TTLL7: variants seen among roughly 807,000 people sequenced by gnomAD.
The protein encoded by TTLL7 is tubulin tyrosine ligase like 7, also known as tubulin polyglutamylase TTLL7.
In TTLL7, 53 loss-of-function variants were observed where a neutral mutation model predicts 120.2. The observed-to-expected ratio is 0.44, with a 90% confidence interval of 0.35 to 0.55. TTLL7 has a LOEUF of 0.55. Ranked by LOEUF, TTLL7 falls within the 20% of genes least tolerant of loss-of-function variation. The probability of loss-of-function intolerance (pLI) is 0.00; values close to 1 mark genes in which losing one functional copy is unlikely to be tolerated. For synonymous variants in TTLL7, 353 were observed against 351.7 expected, an observed-to-expected ratio of 1.00 and a Z score of -0.04; for missense variants, 803 against 1,054.7, an observed-to-expected ratio of 0.76 and a Z score of 3.31.
chr1:83,896,038 A>C lies in TTLL7; in HGVS notation c.2209-5557T>G, dbSNP rs532131634. On this transcript the variant is annotated intron_variant, in intron 18 of 20. Transcript: ENST00000260505. The stretch of plus-strand genomic sequence containing the variant: ...GAAAGCACAGACCAGGCAGGCAAGA[A>C]ATCAGACTGGAATGAGATAAATTAG... Among the ~76,000 whole-genome samples the C allele has an allele frequency of 8.9e-4, 136 of 152,114 alleles. 1 individual carries two copies. Among genetic ancestry groups the C allele is most frequent in the Non-Finnish European group, 1.6e-3 (112 of 68,010 alleles).
At chr1:83,909,085 A>G (rs568369196) in intron 15 of TTLL7, among the ~76,000 whole-genome samples, 1 of 151,484 alleles carries the variant, frequency 6.6e-6, no homozygotes, top group Admixed American at 6.6e-5. Flanking sequence ...AGAACTGCAC[A>G]TATTTAATGT....
rs1320508679 is a variant in TTLL7, at chr1:83,892,482, A to C, written c.2209-2001T>G. Among the ~76,000 whole-genome samples, 4 of 132,472 alleles carry C rather than the reference A, an allele frequency of 3.0e-5. 1 individual carries two copies. The highest frequency in any genetic ancestry group is 8.3e-5 in the African/African-American group (3 of 36,044). 86.9% of individuals were successfully genotyped at this position (132,472 alleles called of 152,430 possible). A position where few individuals can be genotyped will look rare whatever the true frequency, so the allele number is the denominator to read the frequency against. On this transcript the variant is annotated intron_variant, in intron 18 of 20. Transcript: ENST00000260505. ...TATGAACATATATATGAACATATGA[A>C]TGAACATATATATGAACATATGAAT...
intron 1 of TTLL7, among the ~76,000 whole-genome samples, chr1:83,982,833 CCT>C (rs1429497581): frequency 6.6e-6 from 1 of 152,048 alleles, no homozygotes; most frequent in African/African-American, 2.4e-5. Context: ...AAAAAAGAGC[CCT>C]GATAGCCCAA....
chr1:83,988,794 C>T (rs1245456638), intron 1 of TTLL7, among the ~76,000 whole-genome samples: 1 of 151,846 alleles, frequency 6.6e-6, no homozygotes, highest in Non-Finnish European at 1.5e-5. Context: ...CTGCAGTCTC[C>T]GTCTCCCGGA....
chr1:83,975,612 G>C (rs549506341), intron 1 of TTLL7, among the ~76,000 whole-genome samples: 1 of 152,068 alleles, frequency 6.6e-6, no homozygotes, highest in Non-Finnish European at 1.5e-5. Flanking sequence ...CTTAAGACAG[G>C]TCTGTTTGAT....
intron 1 of TTLL7, among the ~76,000 whole-genome samples, chr1:83,988,359 T>A (rs1293617629): frequency 6.6e-6 from 1 of 152,230 alleles, no homozygotes; most frequent in Admixed American, 6.5e-5. Flanking sequence ...AGTACATGTA[T>A]CTTTTTGGTA....
Position 83,921,234 on chromosome 1 carries a change from A to T in TTLL7, c.1290+13T>A, listed in dbSNP as rs1658630694. ...CAATTTAAATTGTGGGTACTTTCTT[A>T]AAACTTTCATACCAACTCTTCTTTC... On this transcript the variant is annotated intron_variant, in intron 11 of 20. Coordinates refer to ENST00000260505, the MANE Select transcript of TTLL7 (RefSeq NM_024686.6). The T allele has an allele frequency of 1.9e-6, 3 of 1,610,956 alleles. No individual in the cohort carries two copies. The highest frequency in any genetic ancestry group is 1.7e-5 in the Admixed American group (1 of 59,354).
chr1:83,922,851 G>A (rs1052406001), intron 10 of TTLL7, among the ~76,000 whole-genome samples: 1 of 150,878 alleles, frequency 6.6e-6, no homozygotes, highest in African/African-American at 2.5e-5. Context: ...AAGTTAAGAT[G>A]AGATGCTATT....
intron 6 of TTLL7, among the ~76,000 whole-genome samples, chr1:83,942,921 G>C (rs1028605661): frequency 6.6e-6 from 1 of 152,172 alleles, no homozygotes; most frequent in African/African-American, 2.4e-5. Flanking sequence ...CTGTGTCAAA[G>C]AGCTTTGTAA....
chr1:83,946,440 G>C (rs1648515290), intron 6 of TTLL7: 1 of 152,170 alleles, frequency 6.6e-6, no homozygotes, highest in African/African-American at 2.4e-5. Flanking sequence ...AAGGAAACAA[G>C]AGTATTACTT....
chr1:83,938,088 A>G, intron 7 of TTLL7, 72 bp from the exon 8 acceptor site: 2 of 1,356,856 alleles, frequency 1.5e-6, no homozygotes. Context: ...GAGGAAAAAA[A>G]GACACTCAAA....
At chr1:83,875,744 C>T (rs1408405895) in intron 20 of TTLL7, among the ~76,000 whole-genome samples, 3 of 151,738 alleles carry the variant, frequency 2.0e-5, no homozygotes, top group African/African-American at 7.3e-5. Flanking sequence ...GTTTATTGGT[C>T]CTCGTTTTTC....
At chr1:83,997,503 A>C (rs1357571301) in intron 1 of TTLL7, among the ~76,000 whole-genome samples, 1 of 152,208 alleles carries the variant, frequency 6.6e-6, no homozygotes, top group Non-Finnish European at 1.5e-5. Flanking sequence ...ATTTTACTAC[A>C]ACACTCATAT....
Position 83,906,363 on chromosome 1 carries a change from T to C in TTLL7, c.2093A>G (p.Lys698Arg). 1 of 1,612,520 alleles carries C rather than the reference T, an allele frequency of 6.2e-7. No homozygotes were observed. Among genetic ancestry groups the C allele is most frequent in the East Asian group, 2.2e-5 (1 of 44,718 alleles). The change falls in exon 17 of 21, where the codon AAG becomes AGG. Residue 698 changes from lysine (K) to arginine (R), a missense_variant. This residue lies in a region of TTLL7 where 388 missense variants were observed against 450.4 expected (regional missense o/e 0.86). Transcript: ENST00000260505. ...LKDMKIRFPG[K>R]SDAESELLIE... ...CAGAAGTTCTGATTCTGCATCTGACTTTCCTGGAAACCGGATCTTCATGTC... is the reference window on the plus strand; with the variant it reads ...CAGAAGTTCTGATTCTGCATCTGACCTTCCTGGAAACCGGATCTTCATGTC...
chr1:83,996,749 A>C (rs940455847), intron 1 of TTLL7, among the ~76,000 whole-genome samples: 10 of 152,222 alleles, frequency 6.6e-5, no homozygotes, highest in Non-Finnish European at 1.5e-4. Context: ...GAGAGAGAGC[A>C]GTTCTAAAGC....
At chr1:83,943,280 G>A (rs1648156279) in intron 6 of TTLL7, among the ~76,000 whole-genome samples, 1 of 152,156 alleles carries the variant, frequency 6.6e-6, no homozygotes. Flanking sequence ...GAGAATCTTT[G>A]AAACTTTGAA....
At chr1:83,887,254 G>C in intron 19 of TTLL7, 1 of 1,231,474 alleles carries the variant, frequency 8.1e-7, no homozygotes, top group Non-Finnish European at 1.0e-6. Flanking sequence ...TCAAACACTT[G>C]GATTATATTT....
intron 18 of TTLL7, among the ~76,000 whole-genome samples, chr1:83,890,888 A>T (rs1303480439): frequency 6.6e-6 from 1 of 152,120 alleles, no homozygotes; most frequent in Non-Finnish European, 1.5e-5. Context: ...ACTGTTCAAT[A>T]TGTAGAGATT....
chr1:83,903,526 G>A (rs1656912683), intron 18 of TTLL7, among the ~76,000 whole-genome samples: 2 of 151,940 alleles, frequency 1.3e-5, no homozygotes, highest in African/African-American at 4.8e-5. Flanking sequence ...GGATGCTCAA[G>A]TCCATGATAT....
Sources: allele counts gnomAD v4.1 joint callset (sites outside exome capture counted in the v4.1 genomes callset), GRCh38; gene constraint gnomAD v4.1.1; regional missense constraint gnomAD v4.1.1; transcripts MANE v1.5; gene names NCBI Gene and HGNC (gene_info 2026-07-23, HGNC 2026-07-21).